Variants in VPS33B observed in about 807,000 individuals in gnomAD.
The protein encoded by VPS33B is VPS33B late endosome and lysosome associated, also known as vacuolar protein sorting-associated protein 33B.
In VPS33B, 80 loss-of-function variants were observed where a neutral mutation model predicts 95.3. The ratio of observed to expected loss-of-function variants is 0.84; its 90% CI spans 0.70 to 1.01. The LOEUF (loss-of-function observed/expected upper bound fraction) is 1.01, where lower values mean the gene tolerates loss of function less well. Ranked by LOEUF, VPS33B falls within the 50% of genes least tolerant of loss-of-function variation. The probability of loss-of-function intolerance (pLI) is 0.00; values close to 1 mark genes in which losing one functional copy is unlikely to be tolerated. For synonymous variants in VPS33B, 280 were observed against 280.4 expected (o/e 1.00, Z 0.01); for missense variants, 715 against 773.4 (o/e 0.92, Z 0.90).
chr15:91,000,079 T>C lies in VPS33B; in HGVS notation c.1582-104A>G, dbSNP rs978506363. 31 of 1,456,126 alleles carry C rather than the reference T, an allele frequency of 2.1e-5. No individual in the cohort carries two copies. In the Admixed American group the frequency reaches 5.4e-4, roughly 25 times the overall value. 90.2% of individuals were successfully genotyped at this position (1,456,126 alleles called of 1,614,324 possible). A position where few individuals can be genotyped will look rare whatever the true frequency, so the allele number is the denominator to read the frequency against. ...TCACATTTCTTGCTCATTACTCAAG[T>C]AGCAAAAAGTTGAGACAGGGCCAGG... On this transcript the variant is annotated intron_variant, in intron 20 of 22. Transcript: ENST00000333371. This position sits in a 1 kb window ranked among gnomAD's most constrained non-coding sequence, Gnocchi z 4.9.
rs2040866042 is a variant in VPS33B at position 91,014,409 on chromosome 15, GC to G, written c.263del (p.Arg88ProfsTer26). The G allele has an allele frequency of 6.2e-7, 1 of 1,613,694 alleles. No homozygotes were observed. On this transcript the variant is annotated frameshift_variant, in exon 4 of 23. Transcript: ENST00000333371. LOFTEE classifies it high-confidence loss of function. ...NEQLCFLVRPRIKNMRYIASL... is the reference protein window; with the variant it reads ...NEQLCFLVRPXIKNMRYIASL... ...TGGCAATGTATCGCATATTCTTGAT[GC>G]GGGGTCTGACCAAGAAGCACAATCT... is the stretch of plus-strand genomic sequence containing the variant.
rs35353020 is a variant in VPS33B, at chr15:91,001,309, C to CA, written c.1479+79dup. On this transcript the variant is annotated intron_variant, in intron 19 of 22. Transcript: ENST00000333371. ...TGGGCAACAGAGCAAGATTCCATCT[C>CA]AAAAAAAAAAAAAAAAAAGAAAAGT... 0.13 allele frequency: 93,981 copies of CA among 745,312 alleles called. 220 individuals are homozygous for CA. The highest frequency in any genetic ancestry group is 0.16 in the East Asian group (4,645 of 28,728). The allele number at this position is 745,312 out of a possible 1,614,324, so 46.2% of individuals were successfully genotyped here. A position where few individuals can be genotyped will look rare whatever the true frequency, so the allele number is the denominator to read the frequency against.
At position 91,006,726 on chromosome 15, in the gene VPS33B, A is replaced by C. The variant is rs770745116; in HGVS notation, c.704T>G (p.Val235Gly). 1 of 1,614,184 alleles carries C rather than the reference A, an allele frequency of 6.2e-7. No homozygotes were observed. The highest frequency in any genetic ancestry group is 1.1e-5 in the South Asian group (1 of 91,082). ...GGAGCAAAGTGCTGTCACAAAGTCC[A>C]CATCTGAAACAGAGATCCCTGACCA... ...IGHIFLLDRD[V>G]DFVTALCSQV... is the part of the protein sequence containing the mutation. Residue 235 changes from valine (V) to glycine (G), a missense_variant, in exon 10 of 23, where the codon GTG (valine) becomes GGG (glycine). Coordinates refer to ENST00000333371, the MANE Select transcript of VPS33B (RefSeq NM_018668.5). This position sits in a 1 kb window ranked among gnomAD's most constrained non-coding sequence, Gnocchi z 5.4.
rs192781432 is a variant in VPS33B at position 91,007,588 on chromosome 15, C to G, written c.499-15G>C. On this transcript the variant is annotated splice_polypyrimidine_tract_variant and intron_variant, in intron 7 of 22. Transcript: ENST00000333371. This position sits in a 1 kb window ranked among gnomAD's most constrained non-coding sequence, Gnocchi z 5.3. ...TGATCTCCTTCCTGCAGGGACCACA[C>G]AAGCCACAAAGATATGAATCAACCC... 2 of 1,597,316 alleles carry G rather than the reference C, an allele frequency of 1.3e-6. No individual in the cohort carries two copies. The highest frequency in any genetic ancestry group is 2.7e-5 in the African/African-American group (2 of 74,918).
rs1370363177 is a variant in VPS33B at position 91,009,387 on chromosome 15, A to G, written c.403+414T>C. Among the ~76,000 whole-genome samples, 2 of 149,786 alleles carry G rather than the reference A, an allele frequency of 1.3e-5. No homozygotes were observed. The highest frequency in any genetic ancestry group is 3.0e-5 in the Non-Finnish European group (2 of 67,568). On this transcript the variant is annotated intron_variant, in intron 6 of 22. Transcript: ENST00000333371. The surrounding 1 kb of genome is among the most constrained non-coding windows in gnomAD (Gnocchi z 4.1). ...AATGGCGTGATCTCGGCTCACTGCA[A>G]CCTCTGCCTCCCGGGTTCAAGCAAT...
At position 91,011,346 on chromosome 15, in the gene VPS33B, A is replaced by C. The variant is rs2040773600; in HGVS notation, c.358-1500T>G. On this transcript the variant is annotated intron_variant, in intron 5 of 22. Transcript: ENST00000333371. The surrounding 1 kb of genome is among the most constrained non-coding windows in gnomAD (Gnocchi z 5.5). ...TCTTCATCTTCATACTAGCTCTGTG[A>C]GATGTAGATCAATGCTACGTGCTCC... 6.6e-6 allele frequency among the ~76,000 whole-genome samples: 1 copy of C among 152,222 alleles called. No homozygotes were observed. The highest frequency in any genetic ancestry group is 2.1e-4 in the South Asian group (1 of 4,832).
chr15:91,009,873 T>G lies in VPS33B; in HGVS notation c.358-27A>C, dbSNP rs1363067004. On this transcript the variant is annotated intron_variant, in intron 5 of 22. Coordinates refer to ENST00000333371, the MANE Select transcript of VPS33B (RefSeq NM_018668.5). This position sits in a 1 kb window ranked among gnomAD's most constrained non-coding sequence, Gnocchi z 4.1. ...TGAAAGAGAAAAGGAAATTGATTAGTAACTACCTTCTTCTCTGTTCTCTCC... is the reference window on the plus strand; with the variant it reads ...TGAAAGAGAAAAGGAAATTGATTAGGAACTACCTTCTTCTCTGTTCTCTCC... 6.2e-7 allele frequency: 1 copy of G among 1,613,770 alleles called. No individual in the cohort carries two copies. Among genetic ancestry groups the G allele is most frequent in the Non-Finnish European group, 8.5e-7 (1 of 1,179,646 alleles).
intron 2 of VPS33B, 22 bp downstream of exon 2, chr15:91,017,783 C>T (rs2151684504): frequency 1.2e-6 from 2 of 1,612,572 alleles, no homozygotes; most frequent in Non-Finnish European, 1.7e-6. Flanking sequence ...GGGGCATGGC[C>T]CCCAGGGGAA....
intron 1 of VPS33B, 100 bp downstream of exon 1, chr15:91,022,054 A>G (rs2041118255): frequency 2.9e-6 from 4 of 1,360,106 alleles, no homozygotes; most frequent in African/African-American, 2.9e-5. Flanking sequence ...GGACAATACC[A>G]GGGGCCAAGA....
rs377580381 is a variant in VPS33B at position 91,005,827 on chromosome 15, C to T, written c.940-43G>A. ...AAGGTGAACCCCCCAACCTCAGACA[C>T]GAGAAACCACCACCCTCCCTCAGTT... On this transcript the variant is annotated intron_variant, in intron 12 of 22. Transcript: ENST00000333371. The surrounding 1 kb of genome is among the most constrained non-coding windows in gnomAD (Gnocchi z 6.4). The T allele has an allele frequency of 2.3e-5, 37 of 1,612,680 alleles. No homozygotes were observed. The highest frequency in any genetic ancestry group is 2.3e-4 in the African/African-American group (17 of 74,884).
In VPS33B at chr15:91,006,499, A is replaced by T; in HGVS notation, c.779-54T>A. The T allele has an allele frequency of 6.2e-7, 1 of 1,612,732 alleles. No homozygotes were observed. The highest frequency in any genetic ancestry group is 8.5e-7 in the Non-Finnish European group (1 of 1,178,768). On this transcript the variant is annotated intron_variant, in intron 10 of 22. Transcript: ENST00000333371. This position sits in a 1 kb window ranked among gnomAD's most constrained non-coding sequence, Gnocchi z 5.4. ...ATCTCCAATGAGGACTTCTCCTACC[A>T]TTCCCTGAACTGCCATAAAGGTCCT...
chr15:91,018,048 C>A lies in VPS33B; in HGVS notation c.97-163G>T, dbSNP rs2040994410. On this transcript the variant is annotated intron_variant, in intron 1 of 22. Coordinates refer to ENST00000333371, the MANE Select transcript of VPS33B (RefSeq NM_018668.5). This position sits in a 1 kb window ranked among gnomAD's most constrained non-coding sequence, Gnocchi z 4.7. The stretch of plus-strand genomic sequence containing the variant: ...TTATTATCTGTATCCACAGTTGACA[C>A]TTCTCTGTATATTTACCTATTTTGC... 1 of 696,854 alleles carries A rather than the reference C, an allele frequency of 1.4e-6. No homozygotes were observed. Among genetic ancestry groups the A allele is most frequent in the Admixed American group, 2.1e-5 (1 of 47,596 alleles). The allele number at this position is 696,854 out of a possible 1,614,324, so 43.2% of individuals were successfully genotyped here.
chr15:91,009,929 TGAG>T lies in VPS33B; in HGVS notation c.358-86_358-84del. The stretch of plus-strand genomic sequence containing the variant: ...TCTGGAGTTCCTCTGTGGTCACTGA[TGAG>T]GACAATAATTGCCGAACCCAGTGAA... On this transcript the variant is annotated intron_variant, in intron 5 of 22. Transcript: ENST00000333371. The surrounding 1 kb of genome is among the most constrained non-coding windows in gnomAD (Gnocchi z 4.1). 2 of 1,527,754 alleles carry T rather than the reference TGAG, an allele frequency of 1.3e-6. No homozygotes were observed. Among genetic ancestry groups the T allele is most frequent in the Non-Finnish European group, 1.8e-6 (2 of 1,103,594 alleles). 94.6% of individuals were successfully genotyped at this position (1,527,754 alleles called of 1,614,324 possible). A position where few individuals can be genotyped will look rare whatever the true frequency, so the allele number is the denominator to read the frequency against.
Position 91,017,901 on chromosome 15 carries a change from T to C in VPS33B, c.97-16A>G, listed in dbSNP as rs191334413. 339 of 1,613,602 alleles carry C rather than the reference T, an allele frequency of 2.1e-4. No individual in the cohort carries two copies. The highest frequency in any genetic ancestry group is 2.8e-4 in the Non-Finnish European group (326 of 1,179,654). ...TTCCAGGAAGCTGAAGGAGACACAA[T>C]ATGTTGGGTCACTCACAGGTCACAT... On this transcript the variant is annotated splice_polypyrimidine_tract_variant and intron_variant, in intron 1 of 22. Coordinates refer to ENST00000333371, the MANE Select transcript of VPS33B (RefSeq NM_018668.5).
intron 3 of VPS33B, among the ~76,000 whole-genome samples, chr15:91,014,932 A>G (rs1046651042): frequency 4.6e-5 from 7 of 152,086 alleles, no homozygotes. Context: ...ATTAAAAATA[A>G]TAATAGTGCT....
rs1567228397 is a variant in VPS33B at position 91,015,340 on chromosome 15, A to AAAAT, written c.240-908_240-907insATTT. 3.3e-5 allele frequency among the ~76,000 whole-genome samples: 5 copies of AAAAT among 151,796 alleles called. No individual in the cohort carries two copies. The highest frequency in any genetic ancestry group is 2.1e-4 in the South Asian group (1 of 4,824). On this transcript the variant is annotated intron_variant, in intron 3 of 22. Coordinates refer to ENST00000333371, the MANE Select transcript of VPS33B (RefSeq NM_018668.5). This position sits in a 1 kb window ranked among gnomAD's most constrained non-coding sequence, Gnocchi z 4.7. Reference sequence around the variant, plus strand: ...GACAAGAGCTAAACTCCGTCTCAAAAAAAATAAAATAAAATAAAATAATAA... The same window carrying AAAAT: ...GACAAGAGCTAAACTCCGTCTCAAAAAAATAAAATAAAATAAAATAAAATAATAA...
intron 2 of VPS33B, among the ~76,000 whole-genome samples, chr15:91,017,365 T>TAGAAAAAAAAAA (rs2040960905): frequency 5.9e-5 from 1 of 16,998 alleles, no homozygotes; most frequent in Non-Finnish European, 8.6e-5. Flanking sequence ...TCTACAAAAT[T>TAGAAAAAAAAAA]AAATATATAT....
In VPS33B at chr15:91,015,455, G is replaced by A. The variant is rs986122460; in HGVS notation, c.240-1022C>T. Among the ~76,000 whole-genome samples the A allele has an allele frequency of 7.2e-5, 11 of 151,860 alleles. No homozygotes were observed. Among genetic ancestry groups the A allele is most frequent in the African/African-American group, 2.4e-4 (10 of 41,356 alleles). On this transcript the variant is annotated intron_variant, in intron 3 of 22. Coordinates refer to ENST00000333371, the MANE Select transcript of VPS33B (RefSeq NM_018668.5). This position sits in a 1 kb window ranked among gnomAD's most constrained non-coding sequence, Gnocchi z 4.7. ...AGCATTTTGGGAGGCCAAGGAGTGC[G>A]GATCACCTGAGGTCAAGAGTTCAAG...
At position 91,013,818 on chromosome 15, in the gene VPS33B, A is replaced by G. The variant is rs766247571; in HGVS notation, c.343T>C (p.Phe115Leu). The change falls in exon 5 of 23, where the codon TTC becomes CTC. Residue 115 changes from phenylalanine (F) to leucine (L), a missense_variant. Phe to Leu is a conservative substitution (Grantham distance 22). Transcript: ENST00000333371. The surrounding 1 kb of genome is among the most constrained non-coding windows in gnomAD (Gnocchi z 4.5). Reference protein sequence around the residue: ...AGRTRKYKVIFSPQKFYACEM... With the variant: ...AGRTRKYKVILSPQKFYACEM... The stretch of plus-strand genomic sequence containing the variant: ...TCCAAACTCACCTTTTGAGGGCTGA[A>G]GATCACTTTGTATTTGCGAGTTCGG... 23 of 1,614,072 alleles carry G rather than the reference A, an allele frequency of 1.4e-5. No homozygotes were observed. Among genetic ancestry groups the G allele is most frequent in the Non-Finnish European group, 1.8e-5 (21 of 1,180,034 alleles).
Sources: gnomAD v4.1 joint callset for allele counts (sites outside exome capture counted in the v4.1 genomes callset) on GRCh38, gnomAD v4.1.1 for gene constraint, Gnocchi (gnomAD v3.1) non-coding constraint, MANE v1.5 for transcripts, NCBI Gene and HGNC (gene_info 2026-07-23, HGNC 2026-07-21) for gene names.